The following ADGRL3 variants were observed in gnomAD, a reference collection of about 807,000 sequenced individuals.
ADGRL3 encodes adhesion G protein-coupled receptor L3, also known as calcium-independent alpha-latrotoxin receptor 3.
ADGRL3 carries 62 observed loss-of-function variants against 153.5 expected under a neutral mutation model. The ratio of observed to expected loss-of-function variants is 0.40; its 90% CI spans 0.33 to 0.50. ADGRL3 has a LOEUF of 0.50. Ranked by LOEUF, ADGRL3 falls within the 20% of genes least tolerant of loss-of-function variation. ADGRL3 has a pLI of 0.47. For missense variants in ADGRL3, 1,641 were observed against 1,859.4 expected, an observed-to-expected ratio of 0.88 and a Z score of 2.16; for synonymous variants, 710 against 672.5, an observed-to-expected ratio of 1.06 and a Z score of -0.86.
At chr4:61,892,196 G>A (rs201098198) in intron 9 of ADGRL3, among the ~76,000 whole-genome samples, 1 of 80,280 alleles carries the variant, frequency 1.2e-5, no homozygotes, top group Non-Finnish European at 2.7e-5. Flanking sequence ...TTTTTTTTTT[G>A]TCCTCTCACC....
intron 1 of ADGRL3, among the ~76,000 whole-genome samples, chr4:61,210,907 T>G (rs1739697144): frequency 1.3e-5 from 2 of 152,216 alleles, no homozygotes; most frequent in Admixed American, 1.3e-4. Flanking sequence ...ATTATATTAT[T>G]AACTGTAGTT....
intron 17 of ADGRL3, among the ~76,000 whole-genome samples, chr4:61,977,913 G>C (rs2099053674): frequency 6.6e-6 from 1 of 152,056 alleles, no homozygotes. Context: ...AGTGAGCATA[G>C]TGCCCAATAG....
intron 8 of ADGRL3, among the ~76,000 whole-genome samples, chr4:61,774,067 A>G (rs1420034736): frequency 2.0e-5 from 3 of 152,146 alleles, no homozygotes; most frequent in Non-Finnish European, 2.9e-5. Flanking sequence ...AAAAATATTC[A>G]GGAAACAGGC....
intron 9 of ADGRL3, among the ~76,000 whole-genome samples, chr4:61,842,880 G>A (rs1026882340): frequency 6.6e-6 from 1 of 152,164 alleles, no homozygotes; most frequent in African/African-American, 2.4e-5. Flanking sequence ...GAAGATGATA[G>A]TGTCTATATT....
At chr4:61,824,232 C>A (rs1295347297) in intron 9 of ADGRL3, among the ~76,000 whole-genome samples, 22 of 152,088 alleles carry the variant, frequency 1.4e-4, no homozygotes, top group Non-Finnish European at 1.5e-5. Context: ...CACCAAGTGA[C>A]AAATAATTTT....
At chr4:61,601,643 G>A (rs1281123732) in intron 5 of ADGRL3, among the ~76,000 whole-genome samples, 2 of 152,078 alleles carry the variant, frequency 1.3e-5, no homozygotes, top group African/African-American at 2.4e-5. Context: ...CTGTTTACAT[G>A]CTAAGACTCA....
At chr4:61,662,113 G>A (rs1019522997) in intron 5 of ADGRL3, among the ~76,000 whole-genome samples, 3 of 152,204 alleles carry the variant, frequency 2.0e-5, no homozygotes, top group East Asian at 1.9e-4. Context: ...GGCAGGAGCC[G>A]GGAACAGACG....
intron 22 of ADGRL3, among the ~76,000 whole-genome samples, chr4:62,030,203 T>C (rs1034757995): frequency 6.6e-6 from 1 of 151,626 alleles, no homozygotes; most frequent in African/African-American, 2.4e-5. Flanking sequence ...TAAGATGCAG[T>C]TCTCTCTAAA....
At chr4:61,935,190 G>T (rs1034195978) in intron 14 of ADGRL3, among the ~76,000 whole-genome samples, 167 bp downstream of exon 14, 7 of 152,094 alleles carry the variant, frequency 4.6e-5, no homozygotes, top group African/African-American at 1.4e-4. Flanking sequence ...TGGCTTAAAA[G>T]GATACAAGAT....
At chr4:61,425,344 C>G (rs2097263822) in intron 2 of ADGRL3, 1 of 152,306 alleles carries the variant, frequency 6.6e-6, no homozygotes, top group African/African-American at 2.4e-5. Context: ...CCATGGGACC[C>G]CAAGTCTCTA....
At chr4:61,681,695 G>A (rs1456589678) in intron 6 of ADGRL3, among the ~76,000 whole-genome samples, 2 of 151,838 alleles carry the variant, frequency 1.3e-5, no homozygotes, top group Non-Finnish European at 2.9e-5. Context: ...TGTATTACAC[G>A]TTTAGCATTT....
chr4:61,872,203 G>A (rs1464252053), intron 9 of ADGRL3, among the ~76,000 whole-genome samples: 1 of 152,140 alleles, frequency 6.6e-6, no homozygotes, highest in Non-Finnish European at 1.5e-5. Flanking sequence ...CATAGTGTGT[G>A]TCGGATGTGA....
At chr4:61,699,957 C>G (rs1314640125) in intron 6 of ADGRL3, among the ~76,000 whole-genome samples, 1 of 151,202 alleles carries the variant, frequency 6.6e-6, no homozygotes, top group Non-Finnish European at 1.5e-5. Flanking sequence ...TACACACACA[C>G]ACACACACAC....
At chr4:61,445,354 G>A (rs1349607363) in intron 2 of ADGRL3, among the ~76,000 whole-genome samples, 1 of 152,074 alleles carries the variant, frequency 6.6e-6, no homozygotes, top group Non-Finnish European at 1.5e-5. Context: ...AAAGTCAACT[G>A]AACATTCCAT....
intron 25 of ADGRL3, among the ~76,000 whole-genome samples, chr4:62,067,282 AC>A (rs1743459478): frequency 6.6e-6 from 1 of 152,024 alleles, no homozygotes; most frequent in Admixed American, 6.6e-5. Context: ...ATGATACTTT[AC>A]CCTTTTTGTA....
At position 62,077,267 on chromosome 4, in the gene ADGRL3, C is replaced by T. The variant is rs1747444792; in HGVS notation, c.*6359C>T. On this transcript the variant is annotated 3_prime_UTR_variant, in exon 27 of 27. Transcript: ENST00000683033. ...TGAATAATTTTTAAATGATGATGCTCCACTCTTTGATCTACAGACAAGGTT... is the reference window on the plus strand; with the variant it reads ...TGAATAATTTTTAAATGATGATGCTTCACTCTTTGATCTACAGACAAGGTT... The T allele has an allele frequency of 6.6e-6, 1 of 151,830 alleles. No homozygotes were observed. Among genetic ancestry groups the T allele is most frequent in the South Asian group, 2.1e-4 (1 of 4,838 alleles). 9.4% of individuals were successfully genotyped at this position (151,830 alleles called of 1,614,324 possible).
rs184371554 is a variant in ADGRL3 at position 61,311,493 on chromosome 4, C to T, written c.-239-71631C>T. Among the ~76,000 whole-genome samples, 80 of 152,266 alleles carry T rather than the reference C, an allele frequency of 5.3e-4. 1 individual carries two copies. Among genetic ancestry groups the T allele is most frequent in the African/African-American group, 1.7e-3 (71 of 41,566 alleles). ...CAGGAAGAAGAAACAATGTGATGAA[C>T]GGGCTACACTGTCTCTGCCATAGTT... On this transcript the variant is annotated intron_variant, in intron 1 of 26. Coordinates refer to ENST00000683033, the MANE Select transcript of ADGRL3 (RefSeq NM_001387552.1).
chr4:61,783,994 A>G (rs930279357), intron 8 of ADGRL3, among the ~76,000 whole-genome samples: 2 of 152,136 alleles, frequency 1.3e-5, no homozygotes, highest in Admixed American at 6.5e-5. Flanking sequence ...AATATAATGT[A>G]ACGTCCTCAC....
chr4:61,609,665 T>A (rs1299199429), intron 5 of ADGRL3, among the ~76,000 whole-genome samples: 1 of 152,104 alleles, frequency 6.6e-6, no homozygotes, highest in African/African-American at 2.4e-5. Flanking sequence ...CAATCCTGAT[T>A]ATGCAGCCCA....
Sources: allele counts gnomAD v4.1 joint callset (sites outside exome capture counted in the v4.1 genomes callset), GRCh38; gene constraint gnomAD v4.1.1; transcripts MANE v1.5; gene names NCBI Gene and HGNC (gene_info 2026-07-23, HGNC 2026-07-21).